THRB: variants seen among roughly 807,000 people sequenced by gnomAD.
The protein encoded by THRB is thyroid hormone receptor beta, also known as nuclear receptor subfamily 1 group A member 2.
THRB carries 12 observed loss-of-function variants against 47.8 expected under a neutral mutation model. The ratio of observed to expected loss-of-function variants is 0.25; its 90% CI spans 0.16 to 0.41. THRB has a LOEUF of 0.41. THRB is among the 10% of genes least tolerant of loss of function. The probability of loss-of-function intolerance (pLI) is 1.00; values close to 1 mark genes in which losing one functional copy is unlikely to be tolerated. For synonymous variants in THRB, 218 were observed against 212.2 expected (o/e 1.03, Z -0.24); for missense variants, 348 against 589.2 (o/e 0.59, Z 4.24).
intron 1 of THRB, among the ~76,000 whole-genome samples, chr3:24,385,528 C>T (rs948396467): frequency 1.3e-5 from 2 of 152,096 alleles, no homozygotes; most frequent in Non-Finnish European, 2.9e-5. Context: ...CCTCCTTTTC[C>T]ACCCAGCATA....
chr3:24,152,683 C>G (rs113338239), intron 5 of THRB, among the ~76,000 whole-genome samples, 193 bp from the exon 6 acceptor site: 84 of 152,000 alleles, frequency 5.5e-4, no homozygotes, highest in African/African-American at 2.0e-3. Context: ...TTCAGAATGC[C>G]TTAGAAATAG....
intron 3 of THRB, among the ~76,000 whole-genome samples, chr3:24,239,224 G>A (rs749617277): frequency 2.0e-5 from 3 of 152,274 alleles, no homozygotes; most frequent in East Asian, 3.9e-4. Context: ...TTACAGGCGT[G>A]AGCCACTGCA....
intron 1 of THRB, among the ~76,000 whole-genome samples, chr3:24,493,225 T>G (rs1698450196): frequency 6.6e-6 from 1 of 152,202 alleles, no homozygotes; most frequent in African/African-American, 2.4e-5. Context: ...GATTTCGGAA[T>G]TAGAAAGAAT....
chr3:24,155,757 C>T lies in THRB; in HGVS notation c.284-3267G>A, dbSNP rs1051284765. 2.6e-5 allele frequency among the ~76,000 whole-genome samples: 4 copies of T among 152,286 alleles called. No homozygotes were observed. In the East Asian group the frequency reaches 5.8e-4, roughly 22 times the overall value. ...CATTAGTTTTGTTGCCAAGAGTGGA[C>T]ACTGATGAGTGTCATAATGTCAGCG... On this transcript the variant is annotated intron_variant, in intron 5 of 10. Transcript: ENST00000646209.
chr3:24,330,317 T>TAA (rs200628084), intron 2 of THRB, among the ~76,000 whole-genome samples: 19 of 146,050 alleles, frequency 1.3e-4, no homozygotes, highest in East Asian at 1.0e-3. Context: ...CCGTCTCAAA[T>TAA]AAAAAAAAAA....
rs1227265044 is a variant in THRB at position 24,143,632 on chromosome 3, C to T, written c.607G>A (p.Glu203Lys). The change falls in exon 8 of 11, where the codon GAG becomes AAG. Residue 203 changes from glutamate (E) to lysine (K), a missense_variant. Physicochemically the swap from Glu to Lys is moderately conservative, Grantham distance 56. Coordinates refer to ENST00000646209, the MANE Select transcript of THRB (RefSeq NM_001354712.2). ...TTGTGCCCGATGGACTTCTGCAGCT[C>T]TTCCCGCCGTCTTTTCTCCCGGTTC... is the stretch of plus-strand genomic sequence containing the variant. Reference protein sequence around the residue: ...EENREKRRREELQKSIGHKPE... With the variant: ...EENREKRRREKLQKSIGHKPE... 1 of 1,614,086 alleles carries T rather than the reference C, an allele frequency of 6.2e-7. No homozygotes were observed. The highest frequency in any genetic ancestry group is 1.7e-5 in the Admixed American group (1 of 60,004).
chr3:24,298,492 C>G (rs62253756), intron 2 of THRB, among the ~76,000 whole-genome samples: 38,016 of 152,132 alleles, frequency 0.25, 5,346 homozygotes, highest in Admixed American at 0.38. Context: ...AATGGCCTAA[C>G]ACATCTTGTA....
intron 1 of THRB, among the ~76,000 whole-genome samples, chr3:24,461,215 T>G (rs374431852): frequency 6.6e-6 from 1 of 152,206 alleles, no homozygotes; most frequent in Non-Finnish European, 1.5e-5. Flanking sequence ...GAGGCAGGCC[T>G]GGGGTCAAGT....
intron 4 of THRB, among the ~76,000 whole-genome samples, chr3:24,217,224 G>A (rs1014543453): frequency 2.6e-5 from 4 of 151,924 alleles, no homozygotes; most frequent in African/African-American, 7.2e-5. Flanking sequence ...TAAAAGCAGC[G>A]TCAGAGGAAA....
intron 1 of THRB, chr3:24,457,943 T>A (rs1216293711): frequency 6.6e-6 from 1 of 152,118 alleles, no homozygotes; most frequent in Non-Finnish European, 1.5e-5. Flanking sequence ...CTTTAGTGAT[T>A]TAAAGCAGAG....
chr3:24,446,211 A>G (rs2072058233), intron 1 of THRB, among the ~76,000 whole-genome samples: 1 of 152,196 alleles, frequency 6.6e-6, no homozygotes, highest in Admixed American at 6.5e-5. Flanking sequence ...TTCGCCTTTT[A>G]TGTTCCTCTA....
chr3:24,282,909 C>CCAATAA (rs1165219756), intron 3 of THRB, among the ~76,000 whole-genome samples: 1 of 151,628 alleles, frequency 6.6e-6, no homozygotes, highest in Non-Finnish European at 1.5e-5. Context: ...TCTGAATAGA[C>CCAATAA]CAATAACAGG....
At chr3:24,221,144 G>A (rs548882627) in intron 4 of THRB, among the ~76,000 whole-genome samples, 5 of 152,198 alleles carry the variant, frequency 3.3e-5, no homozygotes, top group East Asian at 1.9e-4. Context: ...TAAAACAAGC[G>A]CCTGGGACTT....
chr3:24,490,869 C>A (rs986450514), intron 1 of THRB, among the ~76,000 whole-genome samples: 5 of 152,158 alleles, frequency 3.3e-5, no homozygotes, highest in African/African-American at 1.2e-4. Context: ...AGGCCCCCAA[C>A]AATAAACATA....
intron 1 of THRB, among the ~76,000 whole-genome samples, chr3:24,486,181 T>A (rs1048406367): frequency 2.0e-5 from 3 of 152,066 alleles, no homozygotes; most frequent in African/African-American, 7.2e-5. Context: ...CTGCTAAACA[T>A]CCTGTAATAT....
chr3:24,422,983 T>A (rs752045249), intron 1 of THRB, among the ~76,000 whole-genome samples: 4 of 151,904 alleles, frequency 2.6e-5, no homozygotes, highest in African/African-American at 9.7e-5. Context: ...GGAAGTTTCC[T>A]TTTTGAAGCC....
intron 5 of THRB, among the ~76,000 whole-genome samples, chr3:24,187,777 C>G (rs907837120): frequency 3.3e-5 from 5 of 152,214 alleles, no homozygotes; most frequent in Non-Finnish European, 5.9e-5. Flanking sequence ...AGAACCAACT[C>G]TATAAGGAAA....
chr3:24,381,317 A>T (rs1238995568), intron 1 of THRB, among the ~76,000 whole-genome samples: 2 of 152,168 alleles, frequency 1.3e-5, no homozygotes, highest in Non-Finnish European at 2.9e-5. Context: ...GCTCCAAAGC[A>T]GTTCCAGGAG....
chr3:24,362,633 G>A (rs575220946), intron 1 of THRB, among the ~76,000 whole-genome samples: 2 of 152,244 alleles, frequency 1.3e-5, no homozygotes, highest in East Asian at 3.9e-4. Flanking sequence ...GTTGATTATA[G>A]TGTCTCCAGT....
Sources: gnomAD v4.1 joint callset for allele counts (sites outside exome capture counted in the v4.1 genomes callset) on GRCh38, gnomAD v4.1.1 for gene constraint, MANE v1.5 for transcripts, NCBI Gene and HGNC (gene_info 2026-07-23, HGNC 2026-07-21) for gene names.